Variants in LRMDA observed in about 807,000 individuals in gnomAD.
LRMDA encodes the protein leucine rich melanocyte differentiation associated, also known as leucine-rich melanocyte differentiation-associated protein.
A neutral mutation model predicts 29.8 loss-of-function variants in LRMDA; 18 were observed. That is an observed-to-expected ratio of 0.60 (90% CI 0.42 to 0.90). LRMDA has a LOEUF of 0.90. LRMDA is among the 40% of genes least tolerant of loss of function. The pLI is 0.00. For missense variants in LRMDA, 273 were observed against 273.9 expected (o/e 1.00, Z 0.02); for synonymous variants, 125 against 109.4 (o/e 1.14, Z -0.89).
At chr10:76,110,347 C>T (rs148613612) in intron 5 of LRMDA, among the ~76,000 whole-genome samples, 1 of 152,206 alleles carries the variant, frequency 6.6e-6, no homozygotes, top group Non-Finnish European at 1.5e-5. Context: ...TTTTAAAATT[C>T]TGGACTATTA....
At chr10:75,477,231 C>T (rs986416652) in intron 2 of LRMDA, among the ~76,000 whole-genome samples, 17 of 152,098 alleles carry the variant, frequency 1.1e-4, no homozygotes, top group Non-Finnish European at 2.4e-4. Flanking sequence ...CCTCTCGCCT[C>T]GGCCTCCCAA....
intron 2 of LRMDA, among the ~76,000 whole-genome samples, chr10:75,929,292 T>A (rs2067072448): frequency 6.6e-6 from 1 of 150,636 alleles, no homozygotes; most frequent in South Asian, 2.1e-4. Context: ...AAATGCATGA[T>A]CTATGTGTGT....
intron 2 of LRMDA, among the ~76,000 whole-genome samples, chr10:75,526,373 A>G (rs1394707920): frequency 6.6e-6 from 1 of 151,984 alleles, no homozygotes; most frequent in Non-Finnish European, 1.5e-5. Flanking sequence ...TTGATTTTAT[A>G]TTTTAAATAA....
intron 5 of LRMDA, among the ~76,000 whole-genome samples, chr10:76,113,645 A>C (rs1484891747): frequency 6.6e-6 from 1 of 152,172 alleles, no homozygotes; most frequent in African/African-American, 2.4e-5. Context: ...GCTTCTAGAA[A>C]TTGAGATGTG....
At chr10:75,525,023 C>G (rs1475988131) in intron 2 of LRMDA, among the ~76,000 whole-genome samples, 1 of 152,134 alleles carries the variant, frequency 6.6e-6, no homozygotes, top group Non-Finnish European at 1.5e-5. Context: ...ATACATTTGC[C>G]AAAGCCCTAG....
chr10:76,437,574 G>A (rs1404036471), intron 6 of LRMDA: 1 of 152,220 alleles, frequency 6.6e-6, no homozygotes, highest in African/African-American at 2.4e-5. Flanking sequence ...CAGTAAACAA[G>A]AGTAAAATAA....
chr10:76,546,437 C>T (rs1049568915), intron 6 of LRMDA, among the ~76,000 whole-genome samples: 5 of 152,136 alleles, frequency 3.3e-5, no homozygotes, highest in African/African-American at 1.2e-4. Flanking sequence ...TGTGAAAATT[C>T]AAAAAGGTTT....
intron 2 of LRMDA, among the ~76,000 whole-genome samples, chr10:75,972,307 GA>G (rs1846988547): frequency 6.6e-6 from 1 of 151,764 alleles, no homozygotes; most frequent in East Asian, 1.9e-4. Context: ...ATTTTTTAAA[GA>G]GCGAGAAAAC....
intron 5 of LRMDA, among the ~76,000 whole-genome samples, chr10:76,069,374 G>A (rs1404315774): frequency 2.0e-5 from 3 of 152,212 alleles, no homozygotes; most frequent in African/African-American, 7.2e-5. Context: ...ATAATGCACA[G>A]ATGCTCTGTA....
At chr10:75,853,563 G>T (rs927623810) in intron 2 of LRMDA, among the ~76,000 whole-genome samples, 1 of 151,972 alleles carries the variant, frequency 6.6e-6, no homozygotes, top group Non-Finnish European at 1.5e-5. Flanking sequence ...CTGGTGTTGG[G>T]GTTAGTTGCT....
At chr10:75,690,988 TATATATAC>T (rs1419346442) in intron 2 of LRMDA, among the ~76,000 whole-genome samples, 1 of 95,750 alleles carries the variant, frequency 1.0e-5, no homozygotes, top group East Asian at 4.3e-4. Context: ...AATATATATA[TATATATAC>T]ACACACACAC....
chr10:75,433,789 C>T (rs540075179), intron 1 of LRMDA, among the ~76,000 whole-genome samples: 15 of 152,190 alleles, frequency 9.9e-5, no homozygotes, highest in Middle Eastern at 3.4e-3. Context: ...ACAACTTTCC[C>T]ATATCCAGAG....
intron 2 of LRMDA, among the ~76,000 whole-genome samples, chr10:75,891,106 CAAAAA>C (rs5786197): frequency 6.2e-5 from 9 of 146,268 alleles, no homozygotes; most frequent in Non-Finnish European, 9.0e-5. Flanking sequence ...CTCAGTCTCA[CAAAAA>C]AAAAAAAGAA....
In LRMDA at chr10:76,212,236, A is replaced by C. The variant is rs1021995160; in HGVS notation, c.517-112165A>C. Among the ~76,000 whole-genome samples, 42 of 142,884 alleles carry C rather than the reference A, an allele frequency of 2.9e-4. 1 individual carries two copies. The highest frequency in any genetic ancestry group is 1.0e-3 in the African/African-American group (40 of 38,574). The allele number at this position is 142,884 out of a possible 152,430, so 93.7% of individuals were successfully genotyped here. On this transcript the variant is annotated intron_variant, in intron 5 of 6. Transcript: ENST00000611255. ...TCTTTTTGTATGGTGTGAAAATTAA[A>C]ACACACACACACACACACACACACA...
chr10:76,322,245 G>T (rs193183583), intron 5 of LRMDA, among the ~76,000 whole-genome samples: 6 of 152,134 alleles, frequency 3.9e-5, no homozygotes, highest in African/African-American at 1.4e-4. Context: ...TAATCCTAAG[G>T]TTCAGAGAAC....
chr10:76,275,022 A>G (rs754593145), intron 5 of LRMDA, among the ~76,000 whole-genome samples: 18 of 152,142 alleles, frequency 1.2e-4, no homozygotes, highest in Non-Finnish European at 2.5e-4. Flanking sequence ...CCACTCCTGA[A>G]TTCTTACTCC....
At chr10:75,786,528 T>C (rs1843475244) in intron 2 of LRMDA, among the ~76,000 whole-genome samples, 1 of 152,194 alleles carries the variant, frequency 6.6e-6, no homozygotes, top group South Asian at 2.1e-4. Context: ...TTAGTACCAA[T>C]TGTGTGCTGT....
intron 2 of LRMDA, among the ~76,000 whole-genome samples, chr10:75,501,592 C>T (rs1845114336): frequency 1.3e-5 from 2 of 152,106 alleles, no homozygotes. Flanking sequence ...AAATTTTTAT[C>T]CTAATTTTGA....
At chr10:75,449,253 T>C (rs1470171076) in intron 2 of LRMDA, among the ~76,000 whole-genome samples, 1 of 151,940 alleles carries the variant, frequency 6.6e-6, no homozygotes, top group East Asian at 1.9e-4. Context: ...ATATGTTATC[T>C]CATTTACTCC....
Sources: gnomAD v4.1 joint callset for allele counts (sites outside exome capture counted in the v4.1 genomes callset) on GRCh38, gnomAD v4.1.1 for gene constraint, MANE v1.5 for transcripts, NCBI Gene and HGNC (gene_info 2026-07-23, HGNC 2026-07-21) for gene names.